LRRTM4: variants seen among roughly 807,000 people sequenced by gnomAD.
LRRTM4 encodes the protein leucine rich repeat transmembrane neuronal 4, also known as leucine-rich repeat transmembrane neuronal protein 4.
In LRRTM4, 25 loss-of-function variants were observed where a neutral mutation model predicts 47.6. The ratio of observed to expected loss-of-function variants is 0.53; its 90% CI spans 0.38 to 0.73. The LOEUF (loss-of-function observed/expected upper bound fraction) is 0.73, where lower values mean the gene tolerates loss of function less well. Ranked by LOEUF, LRRTM4 falls within the 30% of genes least tolerant of loss-of-function variation. LRRTM4 has a pLI of 0.00. For synonymous variants in LRRTM4, 311 were observed against 269.5 expected, an observed-to-expected ratio of 1.15 and a Z score of -1.51; for missense variants, 638 against 713.4, an observed-to-expected ratio of 0.89 and a Z score of 1.20.
intron 3 of LRRTM4, among the ~76,000 whole-genome samples, chr2:77,485,245 G>A (rs1677862499): frequency 6.6e-6 from 1 of 151,996 alleles, no homozygotes; most frequent in African/African-American, 2.4e-5. Flanking sequence ...TTTAAAAGTA[G>A]GTCATATAAT....
At chr2:77,112,873 C>A (rs760180992) in intron 3 of LRRTM4, among the ~76,000 whole-genome samples, 5 of 152,016 alleles carry the variant, frequency 3.3e-5, no homozygotes, top group African/African-American at 1.2e-4. Context: ...TGTTGCTGGA[C>A]GGAACGCATG....
chr2:77,467,191 ATCCACAGC>A (rs1184781415), intron 3 of LRRTM4, among the ~76,000 whole-genome samples: 1 of 152,104 alleles, frequency 6.6e-6, no homozygotes, highest in Admixed American at 6.6e-5. Context: ...GATGTGTCTC[ATCCACAGC>A]TCTGACTCTT....
At chr2:76,807,457 T>TATACAC (rs1553412656) in intron 3 of LRRTM4, among the ~76,000 whole-genome samples, 8 of 94,172 alleles carry the variant, frequency 8.5e-5, no homozygotes, top group Middle Eastern at 6.8e-3. Flanking sequence ...TATATATATA[T>TATACAC]ACATATATAT....
chr2:76,894,212 C>T (rs907913682), intron 3 of LRRTM4, among the ~76,000 whole-genome samples: 2 of 151,914 alleles, frequency 1.3e-5, no homozygotes, highest in Admixed American at 1.3e-4. Context: ...CCTCAGAAAG[C>T]AGTTGGCAGT....
At chr2:77,002,894 T>C (rs147796682) in intron 3 of LRRTM4, among the ~76,000 whole-genome samples, 1 of 152,296 alleles carries the variant, frequency 6.6e-6, no homozygotes, top group Non-Finnish European at 1.5e-5. Context: ...GAGTACTTAA[T>C]AATATTTTAA....
chr2:77,116,789 C>G (rs1275783470), intron 3 of LRRTM4, among the ~76,000 whole-genome samples: 1 of 152,008 alleles, frequency 6.6e-6, no homozygotes, highest in Non-Finnish European at 1.5e-5. Context: ...TTTCTGTTTT[C>G]AAAAGCAATC....
At chr2:76,989,292 A>G (rs1350297496) in intron 3 of LRRTM4, among the ~76,000 whole-genome samples, 1 of 151,756 alleles carries the variant, frequency 6.6e-6, no homozygotes, top group African/African-American at 2.4e-5. Flanking sequence ...ATACTTCCCA[A>G]ATTGCTACTA....
intron 3 of LRRTM4, among the ~76,000 whole-genome samples, chr2:76,760,699 A>G (rs1673222407): frequency 6.6e-6 from 1 of 151,986 alleles, no homozygotes; most frequent in Non-Finnish European, 1.5e-5. Flanking sequence ...CATTATCCTC[A>G]CCTTCCAGCC....
intron 3 of LRRTM4, among the ~76,000 whole-genome samples, chr2:77,036,045 A>G (rs1033137890): frequency 5.9e-5 from 9 of 151,852 alleles, no homozygotes; most frequent in Admixed American, 5.3e-4. Context: ...AGTGATGTGG[A>G]TGTTACTACA....
chr2:76,794,519 T>A (rs1675159195), intron 3 of LRRTM4, among the ~76,000 whole-genome samples: 1 of 151,924 alleles, frequency 6.6e-6, no homozygotes, highest in Admixed American at 6.6e-5. Flanking sequence ...TTTGCACCTC[T>A]TCTATATTCT....
In LRRTM4 at chr2:76,842,283, C is replaced by A. The variant is rs547724425; in HGVS notation, c.1552-93367G>T. 2.2e-4 allele frequency among the ~76,000 whole-genome samples: 33 copies of A among 152,298 alleles called. 1 individual carries two copies. Among genetic ancestry groups the A allele is most frequent in the Admixed American group, 5.2e-4 (8 of 15,288 alleles). On this transcript the variant is annotated intron_variant, in intron 3 of 3. Transcript: ENST00000409884. ...AGAATCCATTGGCTCTCTGGGCTCT[C>A]AGGCCTTCATACTACACCGCTGGCT...
chr2:76,850,755 A>G (rs1480021957), intron 3 of LRRTM4, among the ~76,000 whole-genome samples: 1 of 152,164 alleles, frequency 6.6e-6, no homozygotes, highest in East Asian at 1.9e-4. Context: ...ACCTGATCCA[A>G]TATAATATAC....
At chr2:77,153,423 A>C (rs918423304) in intron 3 of LRRTM4, among the ~76,000 whole-genome samples, 1 of 152,214 alleles carries the variant, frequency 6.6e-6, no homozygotes, top group African/African-American at 2.4e-5. Flanking sequence ...TTAAAAATCT[A>C]AGAAATACTA....
intron 3 of LRRTM4, among the ~76,000 whole-genome samples, chr2:77,252,304 C>T (rs1208029842): frequency 6.6e-6 from 1 of 152,010 alleles, no homozygotes; most frequent in South Asian, 2.1e-4. Context: ...TATATGGTAC[C>T]CTACATACAC....
At chr2:77,217,685 G>C (rs1674498104) in intron 3 of LRRTM4, among the ~76,000 whole-genome samples, 1 of 151,378 alleles carries the variant, frequency 6.6e-6, no homozygotes, top group Non-Finnish European at 1.5e-5. Context: ...TATTTTCTAA[G>C]TTCTTGCATA....
chr2:76,769,727 T>C (rs2104108149), intron 3 of LRRTM4, among the ~76,000 whole-genome samples: 1 of 152,272 alleles, frequency 6.6e-6, no homozygotes, highest in South Asian at 2.1e-4. Context: ...AGATGACTCG[T>C]ATTTATATTA....
intron 3 of LRRTM4, among the ~76,000 whole-genome samples, chr2:76,791,193 G>T (rs1573109080): frequency 6.6e-6 from 1 of 152,248 alleles, no homozygotes; most frequent in East Asian, 1.9e-4. Context: ...ATTAGAGCTG[G>T]AAGTGATCCA....
chr2:77,518,044 T>A (rs770962777), intron 3 of LRRTM4: 31 of 1,177,570 alleles, frequency 2.6e-5, no homozygotes, highest in African/African-American at 3.2e-5. Context: ...AACCCCTGTA[T>A]ACAAATTGTT....
intron 3 of LRRTM4, among the ~76,000 whole-genome samples, chr2:77,088,796 AG>A: frequency 6.6e-6 from 1 of 152,248 alleles, no homozygotes; most frequent in East Asian, 1.9e-4. Flanking sequence ...CACCAGCCCA[AG>A]AAACATCTCA....
Sources: gnomAD v4.1 joint callset for allele counts (sites outside exome capture counted in the v4.1 genomes callset) on GRCh38, gnomAD v4.1.1 for gene constraint, MANE v1.5 for transcripts, NCBI Gene and HGNC (gene_info 2026-07-23, HGNC 2026-07-21) for gene names.